The following NUMA1 variants were observed in gnomAD, a reference collection of about 807,000 sequenced individuals.
NUMA1 encodes the protein nuclear mitotic apparatus protein 1.
In NUMA1, 62 loss-of-function variants were observed where a neutral mutation model predicts 237.1. The observed-to-expected ratio is 0.26, with a 90% confidence interval of 0.21 to 0.32. The LOEUF is 0.32. Ranked by LOEUF, NUMA1 falls within the 10% of genes least tolerant of loss-of-function variation. The pLI is 1.00. For synonymous variants in NUMA1, 1,028 were observed against 1,066.1 expected, an observed-to-expected ratio of 0.96 and a Z score of 0.70; for missense variants, 2,533 against 2,666.5, an observed-to-expected ratio of 0.95 and a Z score of 1.10.
intron 2 of NUMA1, among the ~76,000 whole-genome samples, chr11:72,048,532 G>A (rs941305419): frequency 9.2e-5 from 14 of 151,888 alleles, no homozygotes; most frequent in Non-Finnish European, 1.5e-4. Context: ...CCAACATGCC[G>A]GTCTAATTTT....
Position 72,007,201 on chromosome 11 carries a change from G to T in NUMA1, c.5451C>A (p.Ile1817=), listed in dbSNP as rs1457719894. ...CCAGCAGCCTGACCTTGGTCATGGT[G>T]ATGTTGATGATCTGCGTGGTGCGCC... The part of the protein sequence containing the change: ...ARRRTTQIIN[I]TMTKKLDVEE... The change falls in exon 21 of 27, where the codon ATC becomes ATA. Residue 1817 remains isoleucine (I), a synonymous_variant. Transcript: ENST00000393695. The T allele has an allele frequency of 5.6e-6, 9 of 1,609,424 alleles. No individual in the cohort carries two copies. Among genetic ancestry groups the T allele is most frequent in the Admixed American group, 3.3e-5 (2 of 59,988 alleles).
At chr11:72,046,464 A>C (rs1212045364) in intron 2 of NUMA1, among the ~76,000 whole-genome samples, 1 of 152,072 alleles carries the variant, frequency 6.6e-6, no homozygotes, top group Non-Finnish European at 1.5e-5. Context: ...GAATTGCTTG[A>C]ATCCTGGAGG....
chr11:72,032,299 G>C (rs1354654668), intron 3 of NUMA1, among the ~76,000 whole-genome samples: 6 of 152,094 alleles, frequency 3.9e-5, no homozygotes, highest in African/African-American at 1.4e-4. Flanking sequence ...TTTGAAAAAA[G>C]CTCAATCTAA....
chr11:72,014,184 C>T lies in NUMA1; in HGVS notation c.3319G>A (p.Ala1107Thr). The T allele has an allele frequency of 1.9e-6, 3 of 1,613,914 alleles. No homozygotes were observed. Among genetic ancestry groups the T allele is most frequent in the Non-Finnish European group, 2.5e-6 (3 of 1,180,040 alleles). The stretch of plus-strand genomic sequence containing the variant: ...GTCCTGCCAGCAGCCTCAGATTGGG[C>T]TCCTGAGCCAGATGCGTGCTCCTTT... The part of the protein sequence containing the change: ...KEKEHASGSG[A>T]QSEAAGRTEP... Residue 1107 changes from alanine (A) to threonine (T), a missense_variant, in exon 15 of 27, where the codon GCC becomes ACC. Around this residue, in one of 3 missense-constraint regions of NUMA1, gnomAD observed 1,414 missense variants for 1,508.1 expected, o/e 0.94. Coordinates refer to ENST00000393695, the MANE Select transcript of NUMA1 (RefSeq NM_006185.4). The surrounding 1 kb of genome is among the most constrained non-coding windows in gnomAD (Gnocchi z 4.6).
chr11:72,034,576 C>T (rs1000787278), intron 3 of NUMA1, among the ~76,000 whole-genome samples: 3 of 151,878 alleles, frequency 2.0e-5, no homozygotes, highest in Non-Finnish European at 4.4e-5. Context: ...GGCATGGTGG[C>T]GTGCACCTGT....
Position 72,018,440 on chromosome 11 carries a change from T to C in NUMA1, c.816A>G (p.Pro272=). 6.2e-7 allele frequency: 1 copy of C among 1,614,106 alleles called. No homozygotes were observed. Among genetic ancestry groups the C allele is most frequent in the Non-Finnish European group, 8.5e-7 (1 of 1,180,010 alleles). The change falls in exon 11 of 27, where the codon CCA becomes CCG. Residue 272 remains proline (P), a synonymous_variant. Transcript: ENST00000393695. The part of the protein sequence containing the change: ...ALLNEKQAAS[P]LEPKELEELR... ...GCTCCTCAAGCTCCTTGGGCTCCAG[T>C]GGGCTGGCCGCCTGCTTCTCATTCA...
chr11:72,019,615 G>A lies in NUMA1; in HGVS notation c.463C>T (p.Pro155Ser), dbSNP rs2135231452. Residue 155 changes from proline to serine, a missense_variant and splice_region_variant, in exon 9 of 27, where the codon CCT becomes TCT. Around this residue, in one of 3 missense-constraint regions of NUMA1, gnomAD observed 1,414 missense variants for 1,508.1 expected, o/e 0.94. Transcript: ENST00000393695. ...EDLENFLQKA[P>S]VPSTCSSTFP... is the part of the protein sequence containing the mutation. ...GTGCTAGAACAGGTAGAAGGCACAG[G>A]AGCTGGGGGTAAGAAATAGACAAAA... 1.2e-6 allele frequency: 2 copies of A among 1,613,006 alleles called. No individual in the cohort carries two copies. The highest frequency in any genetic ancestry group is 2.2e-5 in the South Asian group (2 of 90,946).
chr11:72,025,426 A>G (rs1304283621), intron 4 of NUMA1, among the ~76,000 whole-genome samples: 1 of 151,648 alleles, frequency 6.6e-6, no homozygotes, highest in African/African-American at 2.4e-5. Context: ...AAAAAAAAAG[A>G]ATACTAGTCC....
chr11:72,022,422 A>G lies in NUMA1; in HGVS notation c.292-3T>C, dbSNP rs144394470. On this transcript the variant is annotated splice_region_variant and splice_polypyrimidine_tract_variant and intron_variant, in intron 6 of 26. Coordinates refer to ENST00000393695, the MANE Select transcript of NUMA1 (RefSeq NM_006185.4). ...TGGTATAAGAGCAGCATGGTCATCTAGAAGCCAAACAGGAGGCAGTCACTG... is the reference window on the plus strand; with the variant it reads ...TGGTATAAGAGCAGCATGGTCATCTGGAAGCCAAACAGGAGGCAGTCACTG... The G allele has an allele frequency of 1.3e-3, 2,088 of 1,610,940 alleles. 7 individuals carry two copies. The African/African-American group carries it at 0.013, about 10-fold the overall frequency.
intron 3 of NUMA1, among the ~76,000 whole-genome samples, chr11:72,035,289 T>C (rs907470690): frequency 5.3e-5 from 8 of 152,170 alleles, no homozygotes; most frequent in African/African-American, 1.9e-4. Context: ...TGATGGACAA[T>C]GGCAACAGAC....
At chr11:72,052,595 G>A (rs146624589) in intron 2 of NUMA1, among the ~76,000 whole-genome samples, 2,578 of 152,118 alleles carry the variant, frequency 0.017, 77 homozygotes, top group African/African-American at 0.059. Context: ...GTGAAACCCC[G>A]TCTCTACTAA....
chr11:72,045,627 T>C (rs1591030837), intron 2 of NUMA1, among the ~76,000 whole-genome samples: 1 of 152,044 alleles, frequency 6.6e-6, no homozygotes, highest in African/African-American at 2.4e-5. Flanking sequence ...CACAGGTGCA[T>C]GCCACCACGC....
intron 2 of NUMA1, chr11:72,065,069 A>G (rs1276817723): frequency 1.3e-5 from 2 of 152,074 alleles, no homozygotes; most frequent in Admixed American, 6.6e-5. Context: ...TTAACACATT[A>G]TTTTTCATGT....
At chr11:72,053,233 A>C (rs993642705) in intron 2 of NUMA1, among the ~76,000 whole-genome samples, 10 of 152,258 alleles carry the variant, frequency 6.6e-5, no homozygotes, top group African/African-American at 2.4e-4. Flanking sequence ...TGAAGCTCCC[A>C]CCTTGTCCTC....
rs1322476281 is a variant in NUMA1 at position 72,014,421 on chromosome 11, C to T, written c.3082G>A (p.Ala1028Thr). The T allele has an allele frequency of 6.2e-7, 1 of 1,608,624 alleles. No homozygotes were observed. Among genetic ancestry groups the T allele is most frequent in the Non-Finnish European group, 8.5e-7 (1 of 1,180,016 alleles). ...ADLALEKAAR[A>T]ELEMRLQNAL... ...TTCTGCAGCCGCATCTCAAGCTCTG[C>T]TCTGGCCGCCTTCTCCAGGGCAAGG... Residue 1028 changes from alanine (A) to threonine (T), a missense_variant, in exon 15 of 27, where the codon GCA becomes ACA. Ala to Thr is a moderately conservative substitution (Grantham distance 58). Around this residue, in one of 3 missense-constraint regions of NUMA1, gnomAD observed 1,414 missense variants for 1,508.1 expected, o/e 0.94. Coordinates refer to ENST00000393695, the MANE Select transcript of NUMA1 (RefSeq NM_006185.4). The surrounding 1 kb of genome is among the most constrained non-coding windows in gnomAD (Gnocchi z 4.6).
chr11:72,063,727 G>T (rs1004198534), intron 2 of NUMA1, among the ~76,000 whole-genome samples: 3 of 151,544 alleles, frequency 2.0e-5, no homozygotes, highest in Non-Finnish European at 4.4e-5. Context: ...GACCAGCCTG[G>T]GCAACACAGT....
chr11:72,036,439 A>G (rs548718844), intron 2 of NUMA1, among the ~76,000 whole-genome samples: 1 of 152,358 alleles, frequency 6.6e-6, no homozygotes, highest in South Asian at 2.1e-4. Context: ...GGTTATTGTG[A>G]TGCTTAAAGA....
At chr11:72,003,672 G>A in intron 26 of NUMA1, 134 bp from the exon 27 acceptor site, 1 of 1,229,078 alleles carries the variant, frequency 8.1e-7, no homozygotes, top group Non-Finnish European at 1.2e-6. Flanking sequence ...GTTATCAGTT[G>A]CTGGCTGTGC....
At position 72,003,207 on chromosome 11, in the gene NUMA1, G is replaced by GC. The variant is rs1488656354; in HGVS notation, c.*319dup. ...GATCCAGAGGCTAAGAGGAAGACTG[G>GC]CCAGGCCCAAGGACCCAGCCATCAA... is the stretch of plus-strand genomic sequence containing the variant. On this transcript the variant is annotated 3_prime_UTR_variant, in exon 27 of 27. Transcript: ENST00000393695. 4 of 438,080 alleles carry GC rather than the reference G, an allele frequency of 9.1e-6. No individual in the cohort carries two copies. The Admixed American group carries it at 1.1e-4, about 12-fold the overall frequency. The allele number at this position is 438,080 out of a possible 1,614,324, so 27.1% of individuals were successfully genotyped here.
Sources: allele counts gnomAD v4.1 joint callset (sites outside exome capture counted in the v4.1 genomes callset), GRCh38; gene constraint gnomAD v4.1.1; regional missense constraint gnomAD v4.1.1; non-coding constraint Gnocchi (gnomAD v3.1); transcripts MANE v1.5; gene names NCBI Gene and HGNC (gene_info 2026-07-23, HGNC 2026-07-21).